The following GRIN2B variants were observed in gnomAD, a reference collection of about 807,000 sequenced individuals.
GRIN2B encodes the protein glutamate ionotropic receptor NMDA type subunit 2B.
GRIN2B carries 5 observed loss-of-function variants against 114.5 expected under a neutral mutation model. That is an observed-to-expected ratio of 0.04 (90% confidence interval 0.02 to 0.09). The LOEUF is 0.09. Among genes scored for constraint, GRIN2B ranks in the 10% least tolerant of loss-of-function variants. GRIN2B has a pLI of 1.00. For synonymous variants in GRIN2B, 787 were observed against 745.1 expected (o/e 1.06, Z -0.92); for missense variants, 1,108 against 1,943.5 (o/e 0.57, Z 8.08).
Position 13,571,887 on chromosome 12 carries a change from G to A in GRIN2B, c.2088C>T (p.Arg696=). 1 of 1,614,118 alleles carries A rather than the reference G, an allele frequency of 6.2e-7. No homozygotes were observed. The highest frequency in any genetic ancestry group is 2.2e-5 in the East Asian group (1 of 44,876). Residue 696 remains arginine (R), a synonymous_variant, in exon 11 of 14, where the codon CGC becomes CGT. Coordinates refer to ENST00000609686, the MANE Select transcript of GRIN2B (RefSeq NM_000834.5). The stretch of plus-strand genomic sequence containing the variant: ...AGGCATGCATTTCTGCATAGTTATT[G>A]CGAATATTTCTCTCTGTGCTGCCGT... ...VPNGSTERNI[R]NNYAEMHAYM...
chr12:13,706,871 T>C (rs1333096261), intron 4 of GRIN2B, among the ~76,000 whole-genome samples: 1 of 152,028 alleles, frequency 6.6e-6, no homozygotes, highest in Non-Finnish European at 1.5e-5. Flanking sequence ...GTTCTCTTCT[T>C]TCCCTTTGAT....
intron 3 of GRIN2B, among the ~76,000 whole-genome samples, chr12:13,754,536 G>A (rs1164612462): frequency 6.6e-6 from 1 of 151,950 alleles, no homozygotes; most frequent in Non-Finnish European, 1.5e-5. Flanking sequence ...CAGATATCAG[G>A]GAGAAGTATA....
At chr12:13,620,061 C>T (rs182260208) in intron 5 of GRIN2B, among the ~76,000 whole-genome samples, 33 of 152,256 alleles carry the variant, frequency 2.2e-4, no homozygotes, top group Admixed American at 9.2e-4. Context: ...TAAAGTACTC[C>T]GGCATTCAGA....
At chr12:13,718,686 C>T (rs982564101) in intron 4 of GRIN2B, among the ~76,000 whole-genome samples, 2 of 152,016 alleles carry the variant, frequency 1.3e-5, no homozygotes, top group African/African-American at 2.4e-5. Flanking sequence ...TAGACAATCA[C>T]ATGATATCCC....
intron 4 of GRIN2B, among the ~76,000 whole-genome samples, chr12:13,736,857 T>C (rs1863192364): frequency 6.6e-6 from 1 of 151,686 alleles, no homozygotes; most frequent in Non-Finnish European, 1.5e-5. Context: ...CCATTTCTAC[T>C]AAAAATGCAA....
Position 13,684,913 on chromosome 12 carries a change from C to T in GRIN2B, c.1011-9054G>A, listed in dbSNP as rs373639877. 2.0e-4 allele frequency among the ~76,000 whole-genome samples: 31 copies of T among 152,288 alleles called. No individual in the cohort carries two copies. The East Asian group carries it at 5.6e-3, about 28-fold the overall frequency. On this transcript the variant is annotated intron_variant, in intron 4 of 13. Transcript: ENST00000609686. ...CTTGTCTTTCTGACATCCATTTTAG[C>T]TCACAGGCTGGAAAAACTATTCAGG...
At chr12:13,755,940 C>T (rs1322108080) in intron 3 of GRIN2B, among the ~76,000 whole-genome samples, 5 of 152,362 alleles carry the variant, frequency 3.3e-5, no homozygotes, top group African/African-American at 1.2e-4. Flanking sequence ...TGAGTCAGGG[C>T]ATGAGCCCTC....
chr12:13,611,396 C>T (rs1242518972), intron 9 of GRIN2B, among the ~76,000 whole-genome samples: 1 of 152,232 alleles, frequency 6.6e-6, no homozygotes, highest in African/African-American at 2.4e-5. Flanking sequence ...TCTGTTCCAA[C>T]AGACTGCCCA....
chr12:13,775,571 TTAGAAA>T (rs1591723851), intron 3 of GRIN2B, among the ~76,000 whole-genome samples: 2 of 152,354 alleles, frequency 1.3e-5, no homozygotes, highest in East Asian at 3.9e-4. Context: ...AGATAGTTTC[TTAGAAA>T]TAGAATTAGG....
chr12:13,694,700 TATAA>T (rs1950245636), intron 4 of GRIN2B, among the ~76,000 whole-genome samples: 2 of 126,966 alleles, frequency 1.6e-5, no homozygotes, highest in South Asian at 2.4e-4. Context: ...TATATATATA[TATAA>T]ATTAATTAAT....
intron 2 of GRIN2B, among the ~76,000 whole-genome samples, chr12:13,884,677 A>G (rs1866125474): frequency 6.6e-6 from 1 of 152,086 alleles, no homozygotes; most frequent in Admixed American, 6.6e-5. Context: ...CTTCTTCCTT[A>G]TCTTAGGGGT....
At position 13,599,847 on chromosome 12, in the gene GRIN2B, T is replaced by C. The variant is rs997020159; in HGVS notation, c.2010+8756A>G. ...GTCAGTCTGACTGGGAGAGGCCACA[T>C]AGGGAAGCTATAGACAAATTCAATG... is the stretch of plus-strand genomic sequence containing the variant. On this transcript the variant is annotated intron_variant, in intron 10 of 13. Transcript: ENST00000609686. 3.3e-5 allele frequency among the ~76,000 whole-genome samples: 5 copies of C among 152,326 alleles called. No individual in the cohort carries two copies. The East Asian group carries it at 7.7e-4, about 24-fold the overall frequency.
intron 5 of GRIN2B, among the ~76,000 whole-genome samples, chr12:13,669,360 A>G (rs1397966569): frequency 6.6e-6 from 1 of 151,962 alleles, no homozygotes; most frequent in Non-Finnish European, 1.5e-5. Flanking sequence ...TTCCCTTAAC[A>G]ACCCCAATTC....
In GRIN2B at chr12:13,563,862, T is replaced by G; in HGVS notation, c.3376A>C (p.Lys1126Gln). 1 of 1,614,154 alleles carries G rather than the reference T, an allele frequency of 6.2e-7. No individual in the cohort carries two copies. Among genetic ancestry groups the G allele is most frequent in the Non-Finnish European group, 8.5e-7 (1 of 1,180,018 alleles). Residue 1126 changes from lysine to glutamine, a missense_variant, in exon 14 of 14, where the codon AAG (lysine) becomes CAG (glutamine). Lys to Gln is a moderately conservative substitution (Grantham distance 53, BLOSUM62 1). Transcript: ENST00000609686. The part of the protein sequence containing the change: ...SPDHKRYFRD[K>Q]EGLRDFYLDQ... ...AGGTAGAAGTCCCGTAGCCCTTCCT[T>G]GTCCCTGAAGTAGCGCTTGTGGTCA...
At chr12:13,980,931 C>G (rs1191981179) in intron 1 of GRIN2B, among the ~76,000 whole-genome samples, 1 of 152,086 alleles carries the variant, frequency 6.6e-6, no homozygotes, top group Non-Finnish European at 1.5e-5. Context: ...ACGCGCCCCG[C>G]GCGCACTCAC....
intron 4 of GRIN2B, among the ~76,000 whole-genome samples, chr12:13,699,055 C>A (rs1406842106): frequency 2.0e-5 from 3 of 152,080 alleles, no homozygotes; most frequent in Non-Finnish European, 4.4e-5. Flanking sequence ...TCTAAAAAAG[C>A]AGAATAAAAA....
At chr12:13,810,939 G>T (rs1416481579) in intron 3 of GRIN2B, among the ~76,000 whole-genome samples, 1 of 152,130 alleles carries the variant, frequency 6.6e-6, no homozygotes, top group Non-Finnish European at 1.5e-5. Context: ...TCTACCACCT[G>T]GTCTGAAAGT....
At chr12:13,810,338 C>T in intron 3 of GRIN2B, among the ~76,000 whole-genome samples, 1 of 151,900 alleles carries the variant, frequency 6.6e-6, no homozygotes. Context: ...GCCTCAGCCT[C>T]CTGAGTAGCG....
rs41276682 is a variant in GRIN2B at position 13,615,036 on chromosome 12, G to C, written c.1654+78C>G. 11,185 of 1,292,290 alleles carry C rather than the reference G, an allele frequency of 8.7e-3. 82 individuals are homozygous for C. The highest frequency in any genetic ancestry group is 0.013 in the Middle Eastern group (72 of 5,448). 80.1% of individuals were successfully genotyped at this position (1,292,290 alleles called of 1,614,324 possible). ...ACCACCTTCTAGCTGGAACAGCCTG[G>C]CCATGTGCTCCTTTTTTCCTTATTT... is the stretch of plus-strand genomic sequence containing the variant. On this transcript the variant is annotated intron_variant, in intron 8 of 13. Transcript: ENST00000609686. This position sits in a 1 kb window ranked among gnomAD's most constrained non-coding sequence, Gnocchi z 5.8.
Sources: allele counts gnomAD v4.1 joint callset (sites outside exome capture counted in the v4.1 genomes callset), GRCh38; gene constraint gnomAD v4.1.1; non-coding constraint Gnocchi (gnomAD v3.1); transcripts MANE v1.5; gene names NCBI Gene and HGNC (gene_info 2026-07-23, HGNC 2026-07-21).